Variants in TMEM132D observed in about 807,000 individuals in gnomAD.
TMEM132D encodes transmembrane protein 132D.
TMEM132D carries 21 observed loss-of-function variants against 62.3 expected under a neutral mutation model. That is an observed-to-expected ratio of 0.34 (90% confidence interval 0.24 to 0.49). TMEM132D has a LOEUF of 0.49. Ranked by LOEUF, TMEM132D falls within the 20% of genes least tolerant of loss-of-function variation. The probability of loss-of-function intolerance (pLI) is 0.99; values close to 1 mark genes in which losing one functional copy is unlikely to be tolerated. For missense variants in TMEM132D, 1,346 were observed against 1,402.8 expected, an observed-to-expected ratio of 0.96 and a Z score of 0.65; for synonymous variants, 621 against 575.6, an observed-to-expected ratio of 1.08 and a Z score of -1.13.
chr12:129,631,796 C>G (rs536995641), intron 2 of TMEM132D, among the ~76,000 whole-genome samples: 20 of 152,248 alleles, frequency 1.3e-4, no homozygotes, highest in African/African-American at 4.6e-4. Flanking sequence ...CAGAGGGATA[C>G]AGAATTGGTG....
intron 2 of TMEM132D, among the ~76,000 whole-genome samples, chr12:129,663,310 G>A (rs542246532): frequency 1.3e-5 from 2 of 152,282 alleles, no homozygotes; most frequent in East Asian, 1.9e-4. Flanking sequence ...AGCTAATTTT[G>A]TATTTTTAGT....
chr12:129,416,661 C>A (rs967785878), intron 3 of TMEM132D, among the ~76,000 whole-genome samples: 19 of 152,142 alleles, frequency 1.2e-4, no homozygotes, highest in Admixed American at 9.2e-4. Flanking sequence ...CCAGTTTTTG[C>A]CCATTCAATA....
intron 1 of TMEM132D, among the ~76,000 whole-genome samples, chr12:129,831,866 C>CTT (rs1166196758): frequency 2.9e-5 from 3 of 104,680 alleles, no homozygotes; most frequent in Admixed American, 1.5e-4. Context: ...CTTTTTCTTT[C>CTT]TTTCTTTTTC....
chr12:129,363,708 G>GTGC (rs1268563475), intron 3 of TMEM132D, among the ~76,000 whole-genome samples: 2 of 152,220 alleles, frequency 1.3e-5, no homozygotes, highest in African/African-American at 4.8e-5. Flanking sequence ...CGGCCTTCAA[G>GTGC]TGCTCAAGGT....
In TMEM132D at chr12:129,696,166, G is replaced by T. The variant is rs184670305; in HGVS notation, c.968+3644C>A. Among the ~76,000 whole-genome samples the T allele has an allele frequency of 5.1e-4, 78 of 152,176 alleles. 2 individuals carry two copies. Among genetic ancestry groups the T allele is most frequent in the Admixed American group, 3.1e-3 (48 of 15,288 alleles). On this transcript the variant is annotated intron_variant, in intron 2 of 8. Transcript: ENST00000422113. ...GCTACCAAAACCACCAAAGAATATC[G>T]TCTGAGCCTCATCAATGCCAGGCTC...
At chr12:129,778,518 C>T (rs1871021217) in intron 1 of TMEM132D, among the ~76,000 whole-genome samples, 1 of 152,210 alleles carries the variant, frequency 6.6e-6, no homozygotes, top group African/African-American at 2.4e-5. Context: ...ATCAGGCACA[C>T]ATCAGTTCGG....
At chr12:129,446,775 CCT>C (rs1163147174) in intron 3 of TMEM132D, among the ~76,000 whole-genome samples, 1 of 152,158 alleles carries the variant, frequency 6.6e-6, no homozygotes, top group Non-Finnish European at 1.5e-5. Context: ...ACAATTTCCC[CCT>C]CTCTTACTTA....
intron 5 of TMEM132D, among the ~76,000 whole-genome samples, chr12:129,168,027 CT>C (rs1159262761): frequency 6.6e-6 from 1 of 152,012 alleles, no homozygotes; most frequent in African/African-American, 2.4e-5. Context: ...AACAATGGAG[CT>C]TTTTGCAAAA....
intron 3 of TMEM132D, among the ~76,000 whole-genome samples, chr12:129,451,104 T>A (rs1593014341): frequency 6.6e-6 from 1 of 152,134 alleles, no homozygotes; most frequent in Non-Finnish European, 1.5e-5. Flanking sequence ...GCTCTGGAAG[T>A]GTGACGTCTC....
intron 1 of TMEM132D, among the ~76,000 whole-genome samples, chr12:129,714,818 G>T (rs1156384563): frequency 6.6e-6 from 1 of 152,202 alleles, no homozygotes; most frequent in Non-Finnish European, 1.5e-5. Flanking sequence ...ACGGTCGGAA[G>T]CCCACAGGCC....
rs375868329 is a variant in TMEM132D, at chr12:129,636,737, T to TGTGAGA, written c.968+63072_968+63073insTCTCAC. 1.9e-3 allele frequency among the ~76,000 whole-genome samples: 219 copies of TGTGAGA among 113,624 alleles called. 1 individual carries two copies. The highest frequency in any genetic ancestry group is 6.5e-3 in the South Asian group (17 of 2,610). The allele number at this position is 113,624 out of a possible 152,430, so 74.5% of individuals were successfully genotyped here. On this transcript the variant is annotated intron_variant, in intron 2 of 8. Coordinates refer to ENST00000422113, the MANE Select transcript of TMEM132D (RefSeq NM_133448.3). ...GTGTGTGTGTGTGTGTGTGTGTGTG[T>TGTGAGA]GAGAGAGAGAGAGAGAGAGACAGAG...
chr12:129,153,517 G>A (rs1175736907), intron 5 of TMEM132D, among the ~76,000 whole-genome samples: 1 of 152,144 alleles, frequency 6.6e-6, no homozygotes, highest in Admixed American at 6.5e-5. Context: ...AAGGAGAGCA[G>A]TACATACTAA....
intron 2 of TMEM132D, among the ~76,000 whole-genome samples, chr12:129,637,160 A>G (rs1200372594): frequency 4.6e-5 from 7 of 152,206 alleles, no homozygotes; most frequent in Admixed American, 3.3e-4. Flanking sequence ...ATTTAACTAT[A>G]ATAGCCTTTT....
intron 1 of TMEM132D, among the ~76,000 whole-genome samples, chr12:129,770,140 G>GGTTT (rs1555230635): frequency 3.8e-4 from 40 of 104,340 alleles, no homozygotes; most frequent in Admixed American, 3.1e-3. Flanking sequence ...GGTTTTTTTG[G>GGTTT]TTGTTTTTTT....
chr12:129,142,941 C>T (rs144170670), intron 5 of TMEM132D, among the ~76,000 whole-genome samples: 3 of 152,170 alleles, frequency 2.0e-5, no homozygotes, highest in African/African-American at 7.2e-5. Flanking sequence ...TTGTGGTCTA[C>T]GTAGGAAAAA....
At chr12:129,596,717 C>T (rs975038686) in intron 2 of TMEM132D, among the ~76,000 whole-genome samples, 2 of 151,914 alleles carry the variant, frequency 1.3e-5, no homozygotes, top group Non-Finnish European at 2.9e-5. Context: ...TTCTATTTCC[C>T]CACTCACTGC....
At chr12:129,430,763 GCC>G (rs958518201) in intron 3 of TMEM132D, among the ~76,000 whole-genome samples, 14 of 152,204 alleles carry the variant, frequency 9.2e-5, no homozygotes, top group African/African-American at 3.4e-4. Context: ...CCTTCCCTGC[GCC>G]TCAGACTTCC....
intron 5 of TMEM132D, among the ~76,000 whole-genome samples, chr12:129,149,359 C>T (rs763004354): frequency 4.1e-4 from 62 of 152,060 alleles, no homozygotes; most frequent in Non-Finnish European, 6.6e-4. Flanking sequence ...AAAACCTGCA[C>T]GTTCTGCACG....
intron 5 of TMEM132D, among the ~76,000 whole-genome samples, chr12:129,114,659 G>A (rs898022989): frequency 2.0e-5 from 3 of 152,146 alleles, no homozygotes; most frequent in Admixed American, 6.5e-5. Flanking sequence ...GAAGCCCCTC[G>A]CATGCCCCTG....
Sources: allele counts gnomAD v4.1 joint callset (sites outside exome capture counted in the v4.1 genomes callset), GRCh38; gene constraint gnomAD v4.1.1; transcripts MANE v1.5; gene names NCBI Gene and HGNC (gene_info 2026-07-23, HGNC 2026-07-21).